The following MACROD2 variants were observed in gnomAD, a reference collection of about 807,000 sequenced individuals.
MACROD2 encodes ADP-ribose glycohydrolase MACROD2.
MACROD2 carries 36 observed loss-of-function variants against 70.4 expected under a neutral mutation model. The ratio of observed to expected loss-of-function variants is 0.51; its 90% CI spans 0.39 to 0.68. MACROD2 has a LOEUF of 0.68. Among genes scored for constraint, MACROD2 ranks in the 30% least tolerant of loss-of-function variants. MACROD2 has a pLI of 0.00. For synonymous variants in MACROD2, 172 were observed against 178.8 expected (o/e 0.96, Z 0.30); for missense variants, 496 against 538.4 (o/e 0.92, Z 0.78).
intron 4 of MACROD2, among the ~76,000 whole-genome samples, chr20:14,680,638 A>C (rs551270274): frequency 6.6e-6 from 1 of 152,334 alleles, no homozygotes; most frequent in Non-Finnish European, 1.5e-5. Context: ...ATATGCCATC[A>C]GTAATTTACT....
chr20:14,782,010 G>A (rs185037853), intron 5 of MACROD2, among the ~76,000 whole-genome samples: 7 of 151,744 alleles, frequency 4.6e-5, no homozygotes, highest in East Asian at 1.9e-4. Flanking sequence ...TGCAACCTCC[G>A]CCTCCCGGGT....
rs148482651 is a variant in MACROD2 at position 14,739,452 on chromosome 20, G to A, written c.418+54493G>A. On this transcript the variant is annotated intron_variant, in intron 5 of 17. Transcript: ENST00000684519. ...TAATAACAATGTTACCTGTGGGGTA[G>A]ATGAGGTGGAAGTGGATAAATAAGA... 4.2e-3 allele frequency among the ~76,000 whole-genome samples: 639 copies of A among 152,030 alleles called. 9 individuals carry two copies. The highest frequency in any genetic ancestry group is 0.014 in the African/African-American group (601 of 41,554).
chr20:14,989,503 G>C (rs2423904), intron 5 of MACROD2, among the ~76,000 whole-genome samples: 15,445 of 152,122 alleles, frequency 0.1, 1,735 homozygotes, highest in African/African-American at 0.28. Flanking sequence ...AAAGGGAGTG[G>C]AGGCAGACTC....
intron 13 of MACROD2, among the ~76,000 whole-genome samples, chr20:15,984,383 T>G (rs1285905756): frequency 6.6e-6 from 1 of 152,182 alleles, no homozygotes; most frequent in Non-Finnish European, 1.5e-5. Flanking sequence ...AGGTATATTT[T>G]ACTTTTCTTA....
intron 5 of MACROD2, among the ~76,000 whole-genome samples, chr20:14,717,599 G>A (rs931296373): frequency 3.4e-5 from 5 of 147,720 alleles, no homozygotes; most frequent in African/African-American, 1.3e-4. Flanking sequence ...TAACCGACTT[G>A]TGACTAATCT....
At chr20:14,673,833 T>C (rs2123566458) in intron 4 of MACROD2, among the ~76,000 whole-genome samples, 1 of 151,204 alleles carries the variant, frequency 6.6e-6, no homozygotes, top group East Asian at 2.0e-4. Flanking sequence ...GGCAGGAGAA[T>C]TGCTTGAACC....
intron 3 of MACROD2, among the ~76,000 whole-genome samples, chr20:14,176,564 T>A (rs1021494951): frequency 8.5e-5 from 13 of 152,194 alleles, no homozygotes; most frequent in African/African-American, 2.9e-4. Flanking sequence ...TTCTTTGATA[T>A]TTAGTCCTTT....
chr20:15,488,917 C>A (rs2047194333), intron 7 of MACROD2, among the ~76,000 whole-genome samples: 1 of 152,164 alleles, frequency 6.6e-6, no homozygotes, highest in South Asian at 2.1e-4. Flanking sequence ...GTTTCACGAA[C>A]CATTTCTCCA....
At chr20:14,071,498 G>C (rs981480527) in intron 2 of MACROD2, among the ~76,000 whole-genome samples, 6 of 151,856 alleles carry the variant, frequency 4.0e-5, no homozygotes, top group Non-Finnish European at 7.4e-5. Context: ...CTGACCTCGT[G>C]ATCCACCTAC....
intron 2 of MACROD2, chr20:14,053,388 T>A (rs141416894): frequency 6.6e-6 from 1 of 152,246 alleles, no homozygotes; most frequent in Non-Finnish European, 1.5e-5. Flanking sequence ...CTGGTCTTCT[T>A]TTAATGTGGA....
At chr20:15,402,773 G>C (rs1044451950) in intron 6 of MACROD2, among the ~76,000 whole-genome samples, 6 of 152,164 alleles carry the variant, frequency 3.9e-5, no homozygotes, top group African/African-American at 1.4e-4. Context: ...CTTCCAAAGG[G>C]CATAATTTGA....
chr20:14,694,463 T>C (rs1455084921), intron 5 of MACROD2, among the ~76,000 whole-genome samples: 1 of 152,218 alleles, frequency 6.6e-6, no homozygotes, highest in African/African-American at 2.4e-5. Flanking sequence ...TTAGTCTCTT[T>C]GATCATACCA....
intron 3 of MACROD2, among the ~76,000 whole-genome samples, chr20:14,117,995 G>A (rs548540640): frequency 3.9e-5 from 6 of 152,220 alleles, no homozygotes; most frequent in African/African-American, 9.6e-5. Context: ...CTGACTCACC[G>A]TAGTCATGAT....
At chr20:14,858,029 C>G (rs2073274494) in intron 5 of MACROD2, among the ~76,000 whole-genome samples, 1 of 152,110 alleles carries the variant, frequency 6.6e-6, no homozygotes, top group African/African-American at 2.4e-5. Context: ...CCATGTTGGC[C>G]AGGCTGGTCT....
At chr20:15,174,264 C>T (rs1484007226) in intron 5 of MACROD2, among the ~76,000 whole-genome samples, 5 of 152,110 alleles carry the variant, frequency 3.3e-5, no homozygotes, top group African/African-American at 9.7e-5. Context: ...CTATTTGTAA[C>T]AAAATGTTAC....
chr20:15,652,262 C>T (rs1382881881), intron 8 of MACROD2, among the ~76,000 whole-genome samples: 1 of 152,120 alleles, frequency 6.6e-6, no homozygotes, highest in African/African-American at 2.4e-5. Context: ...TTAATAAATT[C>T]CAAATATGAG....
intron 5 of MACROD2, among the ~76,000 whole-genome samples, chr20:15,021,931 G>C (rs1185581864): frequency 1.3e-5 from 2 of 152,046 alleles, no homozygotes; most frequent in Non-Finnish European, 2.9e-5. Flanking sequence ...CTGAGAAAGA[G>C]GGGAGAGGAG....
intron 3 of MACROD2, among the ~76,000 whole-genome samples, chr20:14,336,333 A>G (rs1029972818): frequency 6.6e-6 from 1 of 152,078 alleles, no homozygotes; most frequent in Non-Finnish European, 1.5e-5. Flanking sequence ...AAAAAAAATC[A>G]ATTTTTTTTC....
intron 5 of MACROD2, among the ~76,000 whole-genome samples, chr20:15,125,151 T>A (rs947048918): frequency 2.0e-5 from 3 of 152,098 alleles, no homozygotes; most frequent in African/African-American, 7.2e-5. Flanking sequence ...TATAAACTTA[T>A]TGAATGTAAT....
Sources: gnomAD v4.1 joint callset for allele counts (sites outside exome capture counted in the v4.1 genomes callset) on GRCh38, gnomAD v4.1.1 for gene constraint, MANE v1.5 for transcripts, NCBI Gene and HGNC (gene_info 2026-07-23, HGNC 2026-07-21) for gene names.